The following FBN2 variants were observed in gnomAD, a reference collection of about 807,000 sequenced individuals.
The protein encoded by FBN2 is fibrillin 2.
A neutral mutation model predicts 355.6 loss-of-function variants in FBN2; 105 were observed. The observed-to-expected ratio is 0.30, with a 90% CI of 0.25 to 0.35. The LOEUF (loss-of-function observed/expected upper bound fraction) is 0.35, where lower values mean the gene tolerates loss of function less well. FBN2 is among the 10% of genes least tolerant of loss of function. FBN2 has a pLI of 1.00. For missense variants in FBN2, 3,280 were observed against 3,758.7 expected, an observed-to-expected ratio of 0.87 and a Z score of 3.33; for synonymous variants, 1,350 against 1,301.2, an observed-to-expected ratio of 1.04 and a Z score of -0.81.
At position 128,358,153 on chromosome 5, in the gene FBN2, G is replaced by A. The variant is rs78509591; in HGVS notation, c.2555-758C>T. The stretch of plus-strand genomic sequence containing the variant: ...CCTATGTTCTCAAATGGTGATTACA[G>A]AAAATGTCAAGCCTGTAATGTGAAA... On this transcript the variant is annotated intron_variant, in intron 19 of 64. Transcript: ENST00000262464. 7.5e-4 allele frequency among the ~76,000 whole-genome samples: 114 copies of A among 152,102 alleles called. No individual in the cohort carries two copies. The East Asian group carries it at 0.018, about 24-fold the overall frequency.
At chr5:128,495,108 A>C (rs1042287251) in intron 5 of FBN2, among the ~76,000 whole-genome samples, 1 of 152,198 alleles carries the variant, frequency 6.6e-6, no homozygotes, top group South Asian at 2.1e-4. Flanking sequence ...AAACTATAAA[A>C]AGAACCAAGT....
intron 5 of FBN2, among the ~76,000 whole-genome samples, chr5:128,478,093 C>T (rs1346630933): frequency 2.0e-5 from 3 of 152,312 alleles, no homozygotes; most frequent in Admixed American, 6.5e-5. Context: ...AGGTACTCCA[C>T]GGCATTACAG....
In FBN2 at chr5:128,424,156, C is replaced by A. The variant is rs1753425641; in HGVS notation, c.953-15357G>T. Reference sequence around the variant, plus strand: ...TACGTGCCTGGCAGGCAGCTCCAGACAAAGGTAGGGAACTCAGAAGAGAGA... The same window carrying A: ...TACGTGCCTGGCAGGCAGCTCCAGAAAAAGGTAGGGAACTCAGAAGAGAGA... On this transcript the variant is annotated intron_variant, in intron 7 of 64. Transcript: ENST00000262464. 2.0e-5 allele frequency among the ~76,000 whole-genome samples: 3 copies of A among 151,926 alleles called. No individual in the cohort carries two copies. The South Asian group carries it at 6.2e-4, about 32-fold the overall frequency.
intron 11 of FBN2, among the ~76,000 whole-genome samples, chr5:128,388,855 C>T (rs189187185): frequency 4.4e-4 from 67 of 152,196 alleles, no homozygotes; most frequent in African/African-American, 1.3e-3. Flanking sequence ...AGGGGTACTC[C>T]AGACTTCCTG....
At chr5:128,261,415 T>G (rs1764961186) in intron 64 of FBN2, among the ~76,000 whole-genome samples, 1 of 152,188 alleles carries the variant, frequency 6.6e-6, no homozygotes, top group African/African-American at 2.4e-5. Context: ...CTGAACAAAT[T>G]AAAAATAATT....
chr5:128,435,918 C>T (rs966647887), intron 7 of FBN2, among the ~76,000 whole-genome samples: 3 of 151,850 alleles, frequency 2.0e-5, no homozygotes, highest in African/African-American at 7.3e-5. Context: ...ATGATGTTAC[C>T]CACTGTGCCT....
chr5:128,303,737 A>T (rs189138101), intron 45 of FBN2, among the ~76,000 whole-genome samples: 1 of 152,290 alleles, frequency 6.6e-6, no homozygotes, highest in African/African-American at 2.4e-5. Context: ...TGTATAAGGG[A>T]GGTCTTACTG....
chr5:128,492,282 C>A (rs997479532), intron 5 of FBN2, among the ~76,000 whole-genome samples: 5 of 152,182 alleles, frequency 3.3e-5, no homozygotes, highest in African/African-American at 1.2e-4. Context: ...AGAGGGTAAA[C>A]ACCCAGTCCC....
At chr5:128,336,948 A>G (rs1750857771) in intron 27 of FBN2, among the ~76,000 whole-genome samples, 1 of 152,226 alleles carries the variant, frequency 6.6e-6, no homozygotes, top group South Asian at 2.1e-4. Context: ...GTTTATGCTT[A>G]TGATCACTAA....
intron 27 of FBN2, among the ~76,000 whole-genome samples, chr5:128,337,156 T>G (rs1750864067): frequency 6.6e-6 from 1 of 152,206 alleles, no homozygotes; most frequent in Non-Finnish European, 1.5e-5. Flanking sequence ...GCTATTAAAA[T>G]GAAATAAGAA....
At chr5:128,439,086 T>G (rs1753849531) in intron 7 of FBN2, among the ~76,000 whole-genome samples, 1 of 152,168 alleles carries the variant, frequency 6.6e-6, no homozygotes, top group South Asian at 2.1e-4. Flanking sequence ...TCTGCTATCT[T>G]TTCGTAAGGA....
chr5:128,368,648 A>G (rs1751848863), intron 16 of FBN2, among the ~76,000 whole-genome samples: 1 of 151,732 alleles, frequency 6.6e-6, no homozygotes, highest in Non-Finnish European at 1.5e-5. Flanking sequence ...TATAATAATC[A>G]TAACTGTATA....
chr5:128,300,258 G>A (rs996398009), intron 48 of FBN2, among the ~76,000 whole-genome samples: 5 of 152,228 alleles, frequency 3.3e-5, no homozygotes, highest in African/African-American at 9.7e-5. Flanking sequence ...TGTAAAAAAG[G>A]TCGGACTTCA....
intron 51 of FBN2, 73 bp downstream of exon 51, chr5:128,289,807 TGA>T (rs1426421951): frequency 9.6e-5 from 84 of 870,854 alleles, no homozygotes; most frequent in Non-Finnish European, 1.4e-4. Flanking sequence ...AAAGTTAGCA[TGA>T]GTTATAAAAT....
intron 7 of FBN2, among the ~76,000 whole-genome samples, chr5:128,437,702 G>A (rs1753804432): frequency 6.6e-6 from 1 of 151,910 alleles, no homozygotes; most frequent in African/African-American, 2.4e-5. Flanking sequence ...GCACCTGAAA[G>A]AGAAAAGGGG....
chr5:128,480,744 T>G (rs1468566183), intron 5 of FBN2, among the ~76,000 whole-genome samples: 1 of 152,062 alleles, frequency 6.6e-6, no homozygotes, highest in African/African-American at 2.4e-5. Flanking sequence ...AATAAAGAAA[T>G]AAATCCTCAG....
At chr5:128,491,087 G>A (rs1308145673) in intron 5 of FBN2, among the ~76,000 whole-genome samples, 3 of 152,196 alleles carry the variant, frequency 2.0e-5, no homozygotes, top group Non-Finnish European at 4.4e-5. Context: ...ATAATATGAT[G>A]TGAACAGAGA....
At chr5:128,472,153 T>C (rs1230713708) in intron 5 of FBN2, among the ~76,000 whole-genome samples, 3 of 152,148 alleles carry the variant, frequency 2.0e-5, no homozygotes, top group African/African-American at 4.8e-5. Context: ...ATACGGTATA[T>C]ACATACCAAA....
intron 5 of FBN2, among the ~76,000 whole-genome samples, chr5:128,506,157 G>GA (rs1177535998): frequency 6.6e-6 from 1 of 152,122 alleles, no homozygotes; most frequent in East Asian, 1.9e-4. Context: ...GAATGACATT[G>GA]AAAATCACAA....
Sources: gnomAD v4.1 joint callset for allele counts (sites outside exome capture counted in the v4.1 genomes callset) on GRCh38, gnomAD v4.1.1 for gene constraint, MANE v1.5 for transcripts, NCBI Gene and HGNC (gene_info 2026-07-23, HGNC 2026-07-21) for gene names.